MAN1A1: variants seen among roughly 807,000 people sequenced by gnomAD.
MAN1A1 encodes mannosidase alpha class 1A member 1, also known as mannosyl-oligosaccharide 1,2-alpha-mannosidase IA.
A neutral mutation model predicts 70.8 loss-of-function variants in MAN1A1; 29 were observed. The observed-to-expected ratio is 0.41, with a 90% CI of 0.31 to 0.56. The LOEUF (loss-of-function observed/expected upper bound fraction) is 0.56, where lower values mean the gene tolerates loss of function less well. MAN1A1 is among the 20% of genes least tolerant of loss of function. The pLI is 0.29. For missense variants in MAN1A1, 747 were observed against 841.3 expected (o/e 0.89, Z 1.39); for synonymous variants, 349 against 330.1 (o/e 1.06, Z -0.62).
intron 2 of MAN1A1, among the ~76,000 whole-genome samples, chr6:119,345,487 C>T (rs1773704130): frequency 6.6e-6 from 1 of 152,156 alleles, no homozygotes; most frequent in East Asian, 1.9e-4. Flanking sequence ...AGTTTTACAT[C>T]AAAGATTCAT....
chr6:119,286,518 G>C (rs1776379517), intron 5 of MAN1A1, among the ~76,000 whole-genome samples: 1 of 152,076 alleles, frequency 6.6e-6, no homozygotes, highest in African/African-American at 2.4e-5. Flanking sequence ...GTTTGCAGCA[G>C]TGGATAACTT....
intron 3 of MAN1A1, 38 bp from the exon 4 acceptor site, chr6:119,302,141 C>A: frequency 1.9e-6 from 2 of 1,027,340 alleles, no homozygotes; most frequent in South Asian, 2.8e-5. Context: ...AAATACTTTG[C>A]CTAGATAAAA....
At chr6:119,270,216 A>G (rs911007452) in intron 5 of MAN1A1, among the ~76,000 whole-genome samples, 1 of 151,830 alleles carries the variant, frequency 6.6e-6, no homozygotes, top group Non-Finnish European at 1.5e-5. Flanking sequence ...TCAAGCCCGC[A>G]CTCTGTGTGT....
At chr6:119,340,423 T>A (rs1209010511) in intron 2 of MAN1A1, among the ~76,000 whole-genome samples, 2 of 152,120 alleles carry the variant, frequency 1.3e-5, no homozygotes, top group African/African-American at 4.8e-5. Flanking sequence ...TCCTGTCACT[T>A]AGAAGAATTG....
At chr6:119,290,205 G>A (rs1776496012) in intron 5 of MAN1A1, among the ~76,000 whole-genome samples, 2 of 151,902 alleles carry the variant, frequency 1.3e-5, no homozygotes, top group Admixed American at 1.3e-4. Context: ...CAGGGATGCT[G>A]GCCTTTAGGA....
intron 2 of MAN1A1, among the ~76,000 whole-genome samples, chr6:119,336,852 T>C (rs1018164870): frequency 6.6e-5 from 10 of 152,070 alleles, no homozygotes; most frequent in Admixed American, 1.3e-4. Context: ...CTGTATAAAA[T>C]TGAAATACAA....
Position 119,348,581 on chromosome 6 carries a change from AGCT to A in MAN1A1, c.482_484del (p.Gln161del). On this transcript the variant is annotated inframe_deletion, in exon 2 of 13. Transcript: ENST00000368468. ...GCCTCTGAACGGCGCCTTGTCACGC[AGCT>A]GGTCCTGGGCCACCTTCTTCTTCTC... The A allele has an allele frequency of 1.2e-6, 2 of 1,614,006 alleles. No individual in the cohort carries two copies. Among genetic ancestry groups the A allele is most frequent in the Non-Finnish European group, 1.7e-6 (2 of 1,179,932 alleles).
At chr6:119,305,193 G>A (rs1467655601) in intron 3 of MAN1A1, among the ~76,000 whole-genome samples, 2 of 152,028 alleles carry the variant, frequency 1.3e-5, no homozygotes, top group Non-Finnish European at 2.9e-5. Context: ...AAAAGCAAAC[G>A]TCAGGCCTAA....
intron 2 of MAN1A1, among the ~76,000 whole-genome samples, chr6:119,321,901 G>A (rs553589294): frequency 6.6e-6 from 1 of 152,120 alleles, no homozygotes; most frequent in Non-Finnish European, 1.5e-5. Context: ...TTACAGGCAT[G>A]AGCCACCGCC....
intron 5 of MAN1A1, chr6:119,269,311 C>G (rs535261219): frequency 3.0e-5 from 8 of 269,014 alleles, no homozygotes; most frequent in South Asian, 1.9e-4. Context: ...ACTCGTGAAC[C>G]AGGCACCCCA....
chr6:119,308,795 G>A (rs1772601958), intron 2 of MAN1A1, among the ~76,000 whole-genome samples: 1 of 151,852 alleles, frequency 6.6e-6, no homozygotes, highest in Non-Finnish European at 1.5e-5. Context: ...CTTCATTCCT[G>A]TAAATTTCCA....
intron 2 of MAN1A1, among the ~76,000 whole-genome samples, chr6:119,328,817 T>C (rs1773226921): frequency 6.6e-6 from 1 of 152,212 alleles, no homozygotes; most frequent in African/African-American, 2.4e-5. Flanking sequence ...TAAGTTTGGT[T>C]CCTGAACTGA....
chr6:119,313,330 G>T (rs562987088), intron 2 of MAN1A1, among the ~76,000 whole-genome samples: 31 of 152,224 alleles, frequency 2.0e-4, no homozygotes, highest in Admixed American at 8.5e-4. Flanking sequence ...TCATTCCTCA[G>T]TGAGCGAGGG....
chr6:119,233,618 AG>A (rs937721674), intron 6 of MAN1A1, among the ~76,000 whole-genome samples: 1 of 152,252 alleles, frequency 6.6e-6, no homozygotes, highest in Non-Finnish European at 1.5e-5. Context: ...CAATAAGCAC[AG>A]GGTACAAGAG....
intron 2 of MAN1A1, among the ~76,000 whole-genome samples, chr6:119,336,631 G>A (rs1233943629): frequency 1.3e-5 from 2 of 152,142 alleles, no homozygotes; most frequent in Non-Finnish European, 2.9e-5. Flanking sequence ...TTGGGAAATA[G>A]AAAACCAAGC....
intron 5 of MAN1A1, among the ~76,000 whole-genome samples, chr6:119,255,568 T>A (rs1330446463): frequency 6.6e-6 from 1 of 152,200 alleles, no homozygotes; most frequent in Non-Finnish European, 1.5e-5. Flanking sequence ...AAATAACTAA[T>A]CCAGCAGAAA....
intron 11 of MAN1A1, among the ~76,000 whole-genome samples, chr6:119,187,577 T>C (rs945503404): frequency 1.8e-4 from 28 of 152,210 alleles, no homozygotes; most frequent in African/African-American, 6.5e-4. Flanking sequence ...CAATATTCAT[T>C]TTAGATTTCC....
intron 4 of MAN1A1, among the ~76,000 whole-genome samples, chr6:119,294,877 T>C (rs1328908838): frequency 6.6e-6 from 1 of 152,138 alleles, no homozygotes; most frequent in East Asian, 1.9e-4. Context: ...GAAAAAATTA[T>C]GCCTCAGTAC....
At chr6:119,319,851 A>G (rs570278447) in intron 2 of MAN1A1, among the ~76,000 whole-genome samples, 5 of 152,308 alleles carry the variant, frequency 3.3e-5, no homozygotes, top group Admixed American at 2.0e-4. Flanking sequence ...GTCAAGGTCA[A>G]TGGGTATCTT....
Sources: allele counts gnomAD v4.1 joint callset (sites outside exome capture counted in the v4.1 genomes callset), GRCh38; gene constraint gnomAD v4.1.1; transcripts MANE v1.5; gene names NCBI Gene and HGNC (gene_info 2026-07-23, HGNC 2026-07-21).